Variants in ENPP3 observed in about 807,000 individuals in gnomAD.
ENPP3 encodes ectonucleotide pyrophosphatase/phosphodiesterase 3.
ENPP3 carries 104 observed loss-of-function variants against 117.8 expected under a neutral mutation model. The observed-to-expected ratio is 0.88, with a 90% CI of 0.75 to 1.04. The LOEUF is 1.04. Ranked by LOEUF, ENPP3 falls within the 50% of genes least tolerant of loss-of-function variation. The pLI is 0.00. For synonymous variants in ENPP3, 380 were observed against 349.9 expected (o/e 1.09, Z -0.96); for missense variants, 1,026 against 1,051.9 (o/e 0.98, Z 0.34).
intron 20 of ENPP3, 103 bp downstream of exon 20, chr6:131,726,303 G>C: frequency 9.9e-7 from 1 of 1,005,854 alleles, no homozygotes; most frequent in Admixed American, 2.1e-5. Context: ...CAAAGGGAGG[G>C]AACTCACTGG....
chr6:131,675,171 T>C lies in ENPP3; in HGVS notation c.854T>C (p.Ile285Thr), dbSNP rs769031749. 5 of 1,600,268 alleles carry C rather than the reference T, an allele frequency of 3.1e-6. No homozygotes were observed. The highest frequency in any genetic ancestry group is 1.7e-4 in the Middle Eastern group (1 of 6,056). Reference sequence around the variant, plus strand: ...GCTATAAATGGCTCCTTTCCTTCCATATACATGCCTTACAACGGGTAGTGA... The same window carrying C: ...GCTATAAATGGCTCCTTTCCTTCCACATACATGCCTTACAACGGGTAGTGA... ...EVAINGSFPS[I>T]YMPYNGSVPF... The change falls in exon 9 of 25, where the codon ATA (isoleucine) becomes ACA (threonine). Residue 285 changes from isoleucine to threonine, a missense_variant. Coordinates refer to ENST00000357639, the MANE Select transcript of ENPP3 (RefSeq NM_005021.5).
chr6:131,713,198 A>G (rs1200962484), intron 15 of ENPP3, among the ~76,000 whole-genome samples: 1 of 134,698 alleles, frequency 7.4e-6, no homozygotes, highest in Non-Finnish European at 1.5e-5. Flanking sequence ...TTTGCCTTCT[A>G]TCATGATTGT....
intron 7 of ENPP3, among the ~76,000 whole-genome samples, chr6:131,672,903 G>A (rs996055738): frequency 3.3e-5 from 5 of 152,228 alleles, no homozygotes; most frequent in Admixed American, 2.6e-4. Context: ...GGATAGGTGG[G>A]TGGATGGCAG....
chr6:131,677,316 T>C (rs887809038), intron 10 of ENPP3, among the ~76,000 whole-genome samples: 3 of 152,126 alleles, frequency 2.0e-5, no homozygotes, highest in Non-Finnish European at 2.9e-5. Context: ...ACAACAGAGA[T>C]AGAGCCAGCA....
intron 1 of ENPP3, among the ~76,000 whole-genome samples, chr6:131,638,223 T>A (rs62423377): frequency 1.3e-5 from 2 of 152,162 alleles, no homozygotes; most frequent in East Asian, 3.9e-4. Flanking sequence ...ATAACAACAA[T>A]AACTTCCTGG....
At chr6:131,701,992 G>A (rs1377276323) in intron 15 of ENPP3, among the ~76,000 whole-genome samples, 11 of 130,888 alleles carry the variant, frequency 8.4e-5, no homozygotes, top group African/African-American at 4.2e-4. Flanking sequence ...AAATAAACAT[G>A]TCACATATTA....
chr6:131,650,897 C>T (rs1035851100), intron 3 of ENPP3, among the ~76,000 whole-genome samples: 2 of 152,012 alleles, frequency 1.3e-5, no homozygotes, highest in African/African-American at 4.8e-5. Context: ...ACCCTAATGA[C>T]CTCATTTTAC....
intron 23 of ENPP3, among the ~76,000 whole-genome samples, chr6:131,739,898 C>T (rs1380935230): frequency 7.8e-6 from 1 of 127,852 alleles, no homozygotes; most frequent in African/African-American, 3.6e-5. Context: ...AAGTGAGAAC[C>T]CATCTCTATT....
Position 131,685,221 on chromosome 6 carries a change from A to G in ENPP3, c.1121-143A>G, listed in dbSNP as rs1268368264. On this transcript the variant is annotated intron_variant, in intron 12 of 24. Coordinates refer to ENST00000357639, the MANE Select transcript of ENPP3 (RefSeq NM_005021.5). Reference sequence around the variant, plus strand: ...CTGCCACAATTTTCTGCCAGAGTAGAGTAATAGGGTGAATTGCGTAAATTC... The same window carrying G: ...CTGCCACAATTTTCTGCCAGAGTAGGGTAATAGGGTGAATTGCGTAAATTC... 6 of 704,068 alleles carry G rather than the reference A, an allele frequency of 8.5e-6. No homozygotes were observed. The Admixed American group carries it at 1.7e-4, about 20-fold the overall frequency. 43.6% of individuals were successfully genotyped at this position (704,068 alleles called of 1,614,324 possible).
At chr6:131,676,875 A>C in intron 10 of ENPP3, 74 bp downstream of exon 10, 1 of 837,078 alleles carries the variant, frequency 1.2e-6, no homozygotes, top group Non-Finnish European at 1.9e-6. Flanking sequence ...TTTTTTTTTT[A>C]CTTTAAATTA....
intron 5 of ENPP3, among the ~76,000 whole-genome samples, chr6:131,655,664 G>A (rs1258306629): frequency 6.6e-6 from 1 of 152,218 alleles, no homozygotes; most frequent in Non-Finnish European, 1.5e-5. Flanking sequence ...TTTGTAAAGA[G>A]TCTCAACAAA....
intron 12 of ENPP3, among the ~76,000 whole-genome samples, chr6:131,683,533 C>T (rs192770643): frequency 6.0e-4 from 92 of 152,144 alleles, no homozygotes; most frequent in Non-Finnish European, 7.4e-4. Flanking sequence ...TTTGCCACAC[C>T]GTGTGTATTT....
At chr6:131,674,483 CTTGGATA>C in intron 8 of ENPP3, 1 of 594,080 alleles carries the variant, frequency 1.7e-6, no homozygotes, top group Non-Finnish European at 3.0e-6. Flanking sequence ...TATGTTTAAA[CTTGGATA>C]TTGGGTTATA....
At chr6:131,668,900 T>G (rs1778680434) in intron 6 of ENPP3, among the ~76,000 whole-genome samples, 1 of 152,350 alleles carries the variant, frequency 6.6e-6, no homozygotes, top group East Asian at 1.9e-4. Flanking sequence ...TCTGTAGACT[T>G]TCTTCAGTAG....
chr6:131,711,377 T>C (rs1393333133), intron 15 of ENPP3, among the ~76,000 whole-genome samples: 1 of 138,616 alleles, frequency 7.2e-6, no homozygotes, highest in Non-Finnish European at 1.5e-5. Flanking sequence ...CTTTGATCAT[T>C]ACATAATCTC....
intron 2 of ENPP3, among the ~76,000 whole-genome samples, chr6:131,647,440 G>T (rs1426759691): frequency 6.6e-6 from 1 of 152,066 alleles, no homozygotes; most frequent in African/African-American, 2.4e-5. Context: ...TCTCAACATA[G>T]ATCTTTGTAT....
intron 2 of ENPP3, among the ~76,000 whole-genome samples, chr6:131,648,374 C>T (rs1023182260): frequency 6.6e-6 from 1 of 151,870 alleles, no homozygotes; most frequent in Non-Finnish European, 1.5e-5. Flanking sequence ...TTTTGATAAG[C>T]ACCTAAAATT....
In ENPP3 at chr6:131,738,156, A is replaced by G. The variant is rs759007671; in HGVS notation, c.2293A>G (p.Ile765Val). The change falls in exon 23 of 25, where the codon ATT becomes GTT. Residue 765 changes from isoleucine to valine, a missense_variant. Physicochemically the swap from Ile to Val is conservative, Grantham distance 29. Coordinates refer to ENST00000357639, the MANE Select transcript of ENPP3 (RefSeq NM_005021.5). ...YDGHFDAPDE[I>V]TKHLANTDVP... ...TGGCCATTTTGATGCTCCAGATGAA[A>G]TTACCAAGTAAGTGATTTGACTTTT... is the stretch of plus-strand genomic sequence containing the variant. 9.9e-6 allele frequency: 16 copies of G among 1,610,610 alleles called. No homozygotes were observed. The Admixed American group carries it at 1.3e-4, about 14-fold the overall frequency.
chr6:131,690,864 T>G (rs1488441068), intron 14 of ENPP3, among the ~76,000 whole-genome samples: 1 of 151,984 alleles, frequency 6.6e-6, no homozygotes, highest in East Asian at 1.9e-4. Context: ...TTGCAATGTG[T>G]TCATGCTGAG....
Sources: allele counts gnomAD v4.1 joint callset (sites outside exome capture counted in the v4.1 genomes callset), GRCh38; gene constraint gnomAD v4.1.1; transcripts MANE v1.5; gene names NCBI Gene and HGNC (gene_info 2026-07-23, HGNC 2026-07-21).